The following ICE1 variants were observed in gnomAD, a reference collection of about 807,000 sequenced individuals.
ICE1 encodes interactor of little elongation complex ELL subunit 1.
In ICE1, 64 loss-of-function variants were observed where a neutral mutation model predicts 192.7. The observed-to-expected ratio is 0.33, with a 90% confidence interval of 0.27 to 0.41. The LOEUF (loss-of-function observed/expected upper bound fraction) is 0.41, where lower values mean the gene tolerates loss of function less well. ICE1 is among the 10% of genes least tolerant of loss of function. The pLI is 1.00. For synonymous variants in ICE1, 1,010 were observed against 984.5 expected, an observed-to-expected ratio of 1.03 and a Z score of -0.49; for missense variants, 2,708 against 2,696.0, an observed-to-expected ratio of 1.00 and a Z score of -0.10.
Position 5,457,623 on chromosome 5 carries a change from A to T in ICE1, c.983A>T (p.Glu328Val). ...EFVDHDHFFD[E>V]DLQAAIDFFK... is the part of the protein sequence containing the mutation. ...GTTGATCATGATCATTTTTTTGATG[A>T]AGATCTTCAAGCTGCAATTGACTTC... The change falls in exon 12 of 19, where the codon GAA becomes GTA. Residue 328 changes from glutamate to valine, a missense_variant. Transcript: ENST00000296564. 1 of 1,613,888 alleles carries T rather than the reference A, an allele frequency of 6.2e-7. No individual in the cohort carries two copies.
At chr5:5,426,901 AGTTTT>A in intron 1 of ICE1, among the ~76,000 whole-genome samples, 1 of 152,230 alleles carries the variant, frequency 6.6e-6, no homozygotes, top group Non-Finnish European at 1.5e-5. Flanking sequence ...TCTGTGCTAT[AGTTTT>A]AACTTTTTGA....
rs1304581143 is a variant in ICE1 at position 5,454,604 on chromosome 5, C to T, written c.657C>T (p.His219=). Residue 219 remains histidine, a synonymous_variant, in exon 11 of 19, where the codon CAC becomes CAT. Coordinates refer to ENST00000296564, the MANE Select transcript of ICE1 (RefSeq NM_015325.3). ...KELWLCVNTT[H]RLPGEGSRCV... is the part of the protein sequence containing the mutation. ...TCTGGCTCTGTGTAAACACAACACA[C>T]AGACTACCTGGTGAAGGCAGCAGGT... 1 of 1,613,592 alleles carries T rather than the reference C, an allele frequency of 6.2e-7. No homozygotes were observed. Among genetic ancestry groups the T allele is most frequent in the Non-Finnish European group, 8.5e-7 (1 of 1,179,662 alleles).
intron 17 of ICE1, among the ~76,000 whole-genome samples, chr5:5,480,639 A>T (rs1416174905): frequency 6.6e-6 from 1 of 152,210 alleles, no homozygotes; most frequent in Non-Finnish European, 1.5e-5. Flanking sequence ...AAAATAGATC[A>T]CAGTAGGAAA....
Position 5,454,580 on chromosome 5 carries a change from C to CTAGAG in ICE1, c.634_635insAGAGT (p.Trp212Ter). Reference sequence around the variant, plus strand: ...AAGTGAAACTGCTTCTGAAGGAACTCTGGCTCTGTGTAAACACAACACACA... The same window carrying CTAGAG: ...AAGTGAAACTGCTTCTGAAGGAACTCTAGAGTGGCTCTGTGTAAACACAACACACA... On this transcript the variant is annotated stop_gained and frameshift_variant, in exon 11 of 19. Coordinates refer to ENST00000296564, the MANE Select transcript of ICE1 (RefSeq NM_015325.3). LOFTEE classifies it high-confidence loss of function. The CTAGAG allele has an allele frequency of 6.2e-7, 1 of 1,613,540 alleles. No homozygotes were observed. Among genetic ancestry groups the CTAGAG allele is most frequent in the Non-Finnish European group, 8.5e-7 (1 of 1,179,658 alleles).
rs375809752 is a variant in ICE1 at position 5,462,022 on chromosome 5, C to G, written c.2688C>G (p.Thr896=). Residue 896 remains threonine, a synonymous_variant, in exon 13 of 19, where the codon ACC becomes ACG. Transcript: ENST00000296564. ...TAACAGAAAATAGTGGCAACAAAAC[C>G]GGTATGTCAACTGTAGCAAAATGTG... is the stretch of plus-strand genomic sequence containing the variant. The part of the protein sequence containing the change: ...TLVTENSGNK[T]GMSTVAKCDG... 1.9e-6 allele frequency: 3 copies of G among 1,613,798 alleles called. No homozygotes were observed. The highest frequency in any genetic ancestry group is 2.5e-6 in the Non-Finnish European group (3 of 1,179,888).
intron 17 of ICE1, among the ~76,000 whole-genome samples, chr5:5,478,032 A>G (rs1028110619): frequency 2.6e-5 from 4 of 152,228 alleles, no homozygotes; most frequent in Non-Finnish European, 5.9e-5. Context: ...TGAATGGGCA[A>G]AAGCTGGAAG....
rs763094403 is a variant in ICE1, at chr5:5,461,549, C to A, written c.2215C>A (p.Pro739Thr). 1.2e-6 allele frequency: 2 copies of A among 1,613,088 alleles called. No homozygotes were observed. Among genetic ancestry groups the A allele is most frequent in the Non-Finnish European group, 1.7e-6 (2 of 1,179,432 alleles). Residue 739 changes from proline (P) to threonine (T), a missense_variant, in exon 13 of 19, where the codon CCT (proline) becomes ACT (threonine). Pro to Thr is a conservative substitution (Grantham distance 38). Transcript: ENST00000296564. ...VKGLTKIHSL[P>T]RSVFMKATKD... ...AGGCTTGACCAAAATACATTCACTT[C>A]CTCGGTCAGTATTTATGAAAGCTAC...
At chr5:5,486,004 G>A (rs1739629780) in intron 17 of ICE1, among the ~76,000 whole-genome samples, 1 of 152,184 alleles carries the variant, frequency 6.6e-6, no homozygotes, top group Non-Finnish European at 1.5e-5. Flanking sequence ...TGAGAAAAAA[G>A]CGCCTAATTT....
At position 5,466,435 on chromosome 5, in the gene ICE1, G is replaced by A; in HGVS notation, c.5994G>A (p.Val1998=). The change falls in exon 14 of 19, where the codon GTG becomes GTA. Residue 1998 remains valine, a synonymous_variant. Coordinates refer to ENST00000296564, the MANE Select transcript of ICE1 (RefSeq NM_015325.3). The part of the protein sequence containing the change: ...NYIHALCRVY[V]GICRQLGDLE... ...TTCACGCCCTCTGCAGGGTGTATGT[G>A]GGTATTTGTCGGCAACTCGGAGACT... 1 of 1,613,442 alleles carries A rather than the reference G, an allele frequency of 6.2e-7. No homozygotes were observed. The highest frequency in any genetic ancestry group is 8.5e-7 in the Non-Finnish European group (1 of 1,179,686).
intron 1 of ICE1, among the ~76,000 whole-genome samples, chr5:5,424,690 T>C (rs1737471584): frequency 6.6e-6 from 1 of 152,160 alleles, no homozygotes; most frequent in Non-Finnish European, 1.5e-5. Flanking sequence ...GCTGTTGGAA[T>C]TTAAGTAGGG....
At chr5:5,437,024 A>T in intron 2 of ICE1, 56 bp from the exon 3 acceptor site, 1 of 1,107,406 alleles carries the variant, frequency 9.0e-7, no homozygotes, top group Non-Finnish European at 1.3e-6. Flanking sequence ...CATAATTTTA[A>T]CATAGTATAT....
intron 14 of ICE1, among the ~76,000 whole-genome samples, chr5:5,468,185 A>G (rs1398853472): frequency 6.6e-6 from 1 of 152,232 alleles, no homozygotes; most frequent in Non-Finnish European, 1.5e-5. Flanking sequence ...ATCCATGAAT[A>G]AATATTTGAG....
At chr5:5,437,824 A>G (rs1737916947) in intron 3 of ICE1, 1 of 152,270 alleles carries the variant, frequency 6.6e-6, no homozygotes, top group Non-Finnish European at 1.5e-5. Context: ...AAGTAAACAT[A>G]CGTATACTCC....
At chr5:5,448,891 G>C (rs1481667913) in intron 10 of ICE1, among the ~76,000 whole-genome samples, 1 of 152,202 alleles carries the variant, frequency 6.6e-6, no homozygotes, top group Non-Finnish European at 1.5e-5. Context: ...CTTTTGACTA[G>C]ATTCTTTGTC....
chr5:5,447,339 AATAG>A (rs1394941582), intron 7 of ICE1, 84 bp from the exon 8 acceptor site: 1 of 801,000 alleles, frequency 1.2e-6, no homozygotes, highest in Non-Finnish European at 1.9e-6. Flanking sequence ...AAAAACTTGT[AATAG>A]ATAAGATTTT....
intron 16 of ICE1, among the ~76,000 whole-genome samples, chr5:5,475,220 C>T (rs1739274766): frequency 6.6e-6 from 1 of 152,166 alleles, no homozygotes; most frequent in Non-Finnish European, 1.5e-5. Context: ...ATGAGGATCT[C>T]CACCTGAGCA....
rs377686200 is a variant in ICE1 at position 5,464,699 on chromosome 5, C to G, written c.5365C>G (p.Pro1789Ala). The G allele has an allele frequency of 9.3e-6, 15 of 1,613,944 alleles. No individual in the cohort carries two copies. Among genetic ancestry groups the G allele is most frequent in the African/African-American group, 1.3e-5 (1 of 75,052 alleles). ...TGCTGACTGTAAGAATTTACCGGGA[C>G]CTGCCAGTGCTATGATAGGATTCAA... ...PPADCKNLPG[P>A]ASAMIGFKTI... The change falls in exon 13 of 19, where the codon CCT (proline) becomes GCT (alanine). Residue 1789 changes from proline to alanine, a missense_variant. Pro to Ala is a conservative substitution (Grantham distance 27). This residue lies in a region of ICE1 where 2,366 missense variants were observed against 2,276.6 expected (regional missense o/e 1.04). Transcript: ENST00000296564. The surrounding 1 kb of genome is among the most constrained non-coding windows in gnomAD (Gnocchi z 4.0).
intron 17 of ICE1, among the ~76,000 whole-genome samples, chr5:5,485,376 G>T (rs1739614078): frequency 1.3e-5 from 2 of 152,094 alleles, no homozygotes; most frequent in South Asian, 4.1e-4. Context: ...TCAGATGGCT[G>T]ATTTTTCATT....
At chr5:5,428,738 G>A (rs894218774) in intron 1 of ICE1, among the ~76,000 whole-genome samples, 1 of 152,080 alleles carries the variant, frequency 6.6e-6, no homozygotes, top group Non-Finnish European at 1.5e-5. Context: ...TGGCCTGGGA[G>A]TGGCTTTTTG....
Sources: allele counts gnomAD v4.1 joint callset (sites outside exome capture counted in the v4.1 genomes callset), GRCh38; gene constraint gnomAD v4.1.1; regional missense constraint gnomAD v4.1.1; non-coding constraint Gnocchi (gnomAD v3.1); transcripts MANE v1.5; gene names NCBI Gene and HGNC (gene_info 2026-07-23, HGNC 2026-07-21).